Variants in MSN observed in about 807,000 individuals in gnomAD.
The protein encoded by MSN is epididymis luminal protein 70.
A neutral mutation model predicts 48.0 loss-of-function variants in MSN; 2 were observed. The ratio of observed to expected loss-of-function variants is 0.04; its 90% CI spans 0.02 to 0.13. The LOEUF (loss-of-function observed/expected upper bound fraction) is 0.13. Among genes scored for constraint, MSN ranks in the 10% least tolerant of loss-of-function variants. The pLI is 1.00. For synonymous variants in MSN, 146 were observed against 166.9 expected (o/e 0.87, Z 0.97); for missense variants, 267 against 470.1 (o/e 0.57, Z 3.99).
At chrX:65,589,897 C>T (rs2070131572) in intron 1 of MSN, 1 of 106,833 alleles carries the variant, frequency 9.4e-6, no homozygotes, top group South Asian at 4.2e-4. Context: ...TGGAATTTCG[C>T]TCTTGTTGCC....
rs1195274042 is a variant in MSN at position 65,724,038 on chromosome X, C to CT, written c.97-3763dup. Among the ~76,000 whole-genome samples the CT allele has an allele frequency of 5.1e-3, 518 of 102,051 alleles. 1 individual carries two copies. The highest frequency in any genetic ancestry group is 0.014 in the African/African-American group (408 of 28,202). The allele number at this position is 102,051 out of a possible 115,157, so 88.6% of individuals were successfully genotyped here. A position where few individuals can be genotyped will look rare whatever the true frequency, so the allele number is the denominator to read the frequency against. ...CCCCAGCACTGAGCCTGAATTCTCT[C>CT]TTTTTTTTTTTTTGACATCACTTTA... On this transcript the variant is annotated intron_variant, in intron 2 of 12. Coordinates refer to ENST00000360270, the MANE Select transcript of MSN (RefSeq NM_002444.3).
intron 1 of MSN, among the ~76,000 whole-genome samples, chrX:65,619,163 G>T (rs1226063792): frequency 2.0e-5 from 2 of 100,597 alleles, no homozygotes; most frequent in Non-Finnish European, 3.9e-5. Context: ...TTTCAACTTT[G>T]GTGAATCTGA....
chrX:65,639,139 C>A (rs1242006262), intron 1 of MSN, among the ~76,000 whole-genome samples: 3 of 111,529 alleles, frequency 2.7e-5, no homozygotes, highest in Non-Finnish European at 5.7e-5. Flanking sequence ...AGAGAAAGTT[C>A]ATTTTCTTTT....
chrX:65,697,695 CTG>C (rs1434345358), intron 1 of MSN, among the ~76,000 whole-genome samples: 1 of 112,519 alleles, frequency 8.9e-6, no homozygotes, highest in African/African-American at 3.2e-5. Flanking sequence ...CTTTTTAAAA[CTG>C]TAATTTTATT....
intron 1 of MSN, among the ~76,000 whole-genome samples, chrX:65,691,329 C>T (rs1213199568): frequency 9.0e-6 from 1 of 110,818 alleles, no homozygotes; most frequent in Non-Finnish European, 1.9e-5. Flanking sequence ...CCCCAGAAGC[C>T]CCCTATCTCC....
At chrX:65,726,889 G>A (rs2071572994) in intron 2 of MSN, among the ~76,000 whole-genome samples, 1 of 111,366 alleles carries the variant, frequency 9.0e-6, no homozygotes, top group Non-Finnish European at 1.9e-5. Flanking sequence ...TGAGCTGAGG[G>A]CCAGACTATT....
intron 1 of MSN, among the ~76,000 whole-genome samples, chrX:65,635,191 T>C (rs1294219819): frequency 9.0e-6 from 1 of 111,507 alleles, no homozygotes; most frequent in Non-Finnish European, 1.9e-5. Context: ...TGTCTTATCC[T>C]TTCTGTTTGT....
chrX:65,618,293 T>C (rs1230190545), intron 1 of MSN, among the ~76,000 whole-genome samples: 3 of 111,366 alleles, frequency 2.7e-5, no homozygotes, highest in Non-Finnish European at 5.7e-5. Flanking sequence ...ATCTGTCTAA[T>C]GTTGACAGTG....
intron 1 of MSN, among the ~76,000 whole-genome samples, chrX:65,597,671 C>T (rs1001661983): frequency 1.8e-5 from 2 of 111,960 alleles, no homozygotes; most frequent in African/African-American, 6.5e-5. Context: ...TGGCTGGAGA[C>T]ATTGAATCAA....
intron 1 of MSN, among the ~76,000 whole-genome samples, chrX:65,649,886 G>A (rs919180237): frequency 1.9e-5 from 2 of 106,481 alleles, no homozygotes; most frequent in East Asian, 2.9e-4. Context: ...AATAACATAC[G>A]CACAAGCTCC....
intron 1 of MSN, among the ~76,000 whole-genome samples, chrX:65,694,076 A>G (rs868282363): frequency 9.9e-6 from 1 of 100,970 alleles, no homozygotes; most frequent in Non-Finnish European, 2.0e-5. Flanking sequence ...AACAAAAAAC[A>G]AAAAAAAAAA....
At chrX:65,614,710 T>C (rs2070352223) in intron 1 of MSN, among the ~76,000 whole-genome samples, 1 of 107,747 alleles carries the variant, frequency 9.3e-6, no homozygotes, top group South Asian at 4.0e-4. Context: ...TTTCTTTTTT[T>C]TTTTTAATTA....
intron 1 of MSN, among the ~76,000 whole-genome samples, chrX:65,691,002 G>A (rs2071166511): frequency 9.0e-6 from 1 of 111,477 alleles, no homozygotes; most frequent in African/African-American, 3.3e-5. Context: ...ATGGGAAGGT[G>A]CTTAATGGAG....
chrX:65,622,278 G>T (rs1418173502), intron 1 of MSN, among the ~76,000 whole-genome samples: 1 of 106,001 alleles, frequency 9.4e-6, no homozygotes, highest in Non-Finnish European at 1.9e-5. Flanking sequence ...TATTTTTTTT[G>T]GGGTAGATGT....
At position 65,602,494 on chromosome X, in the gene MSN, G is replaced by T. The variant is rs180707486; in HGVS notation, c.-22+13882G>T. 7.2e-3 allele frequency among the ~76,000 whole-genome samples: 651 copies of T among 89,851 alleles called. 2 individuals carry two copies. Among genetic ancestry groups the T allele is most frequent in the Middle Eastern group, 1.0e-2 (2 of 201 alleles). 78.0% of individuals were successfully genotyped at this position (89,851 alleles called of 115,157 possible). A position where few individuals can be genotyped will look rare whatever the true frequency, so the allele number is the denominator to read the frequency against. ...TATAATTATGGAGGAATGCTCTCCA[G>T]CTCCACTCTCCAGCTCCACTCTCCA... On this transcript the variant is annotated intron_variant, in intron 1 of 3. Transcript: ENST00000609672.
At chrX:65,715,072 T>C (rs1258785058) in intron 1 of MSN, among the ~76,000 whole-genome samples, 1 of 111,884 alleles carries the variant, frequency 8.9e-6, no homozygotes, top group Non-Finnish European at 1.9e-5. Flanking sequence ...TTTATTGAAT[T>C]GGGAGTCCTT....
intron 1 of MSN, among the ~76,000 whole-genome samples, chrX:65,677,157 T>A (rs2071008099): frequency 9.0e-6 from 1 of 111,597 alleles, no homozygotes; most frequent in Non-Finnish European, 1.9e-5. Context: ...ATTCTCAGCC[T>A]GGATGTTTGA....
At chrX:65,625,403 C>T (rs184322117) in intron 1 of MSN, 1 of 112,003 alleles carries the variant, frequency 8.9e-6, no homozygotes, top group Non-Finnish European at 1.9e-5. Flanking sequence ...TATTTTAGAA[C>T]AGTGTATTTC....
intron 1 of MSN, among the ~76,000 whole-genome samples, chrX:65,607,501 G>A (rs182875883): frequency 9.0e-6 from 1 of 111,458 alleles, no homozygotes; most frequent in East Asian, 2.8e-4. Flanking sequence ...GGTCAGGGAA[G>A]GAGTCACCCA....
Sources: gnomAD v4.1 joint callset for allele counts (sites outside exome capture counted in the v4.1 genomes callset) on GRCh38, gnomAD v4.1.1 for gene constraint, MANE v1.5 for transcripts, NCBI Gene and HGNC (gene_info 2026-07-23, HGNC 2026-07-21) for gene names.